Variants in RMND1 observed in about 807,000 individuals in gnomAD.
RMND1 encodes the protein required for meiotic nuclear division 1 homolog.
In RMND1, 41 loss-of-function variants were observed where a neutral mutation model predicts 54.0. The observed-to-expected ratio is 0.76, with a 90% confidence interval of 0.59 to 0.98. The LOEUF (loss-of-function observed/expected upper bound fraction) is 0.98, where lower values mean the gene tolerates loss of function less well. Among genes scored for constraint, RMND1 ranks in the 50% least tolerant of loss-of-function variants. RMND1 has a pLI of 0.00. For synonymous variants in RMND1, 183 were observed against 181.7 expected (o/e 1.01, Z -0.06); for missense variants, 457 against 532.0 (o/e 0.86, Z 1.39).
chr6:151,429,724 A>C (rs536591226), intron 5 of RMND1, among the ~76,000 whole-genome samples: 1 of 152,312 alleles, frequency 6.6e-6, no homozygotes, highest in Non-Finnish European at 1.5e-5. Flanking sequence ...TTGCCTCTAA[A>C]ATGGTTGTAT....
chr6:151,451,009 TG>T (rs1338459015), intron 1 of RMND1, among the ~76,000 whole-genome samples: 3 of 152,128 alleles, frequency 2.0e-5, no homozygotes, highest in Non-Finnish European at 2.9e-5. Flanking sequence ...GGCAGCGTGC[TG>T]GTTAAGAGTC....
intron 10 of RMND1, chr6:151,411,954 C>T (rs1366169574): frequency 1.3e-5 from 2 of 152,212 alleles, no homozygotes; most frequent in African/African-American, 4.8e-5. Flanking sequence ...AAAGACTCCC[C>T]ACCTCCTGGT....
At chr6:151,409,382 T>A (rs1779733634) in intron 10 of RMND1, among the ~76,000 whole-genome samples, 1 of 152,230 alleles carries the variant, frequency 6.6e-6, no homozygotes, top group South Asian at 2.1e-4. Context: ...GACACCCAGA[T>A]GACTTTTAAG....
At chr6:151,407,777 G>A (rs1319240657) in intron 10 of RMND1, among the ~76,000 whole-genome samples, 1 of 151,954 alleles carries the variant, frequency 6.6e-6, no homozygotes, top group East Asian at 1.9e-4. Flanking sequence ...GTGTTGTGGC[G>A]GCCCCTGTTG....
At chr6:151,437,508 A>G (rs941522535) in intron 2 of RMND1, among the ~76,000 whole-genome samples, 3 of 152,216 alleles carry the variant, frequency 2.0e-5, no homozygotes, top group African/African-American at 7.2e-5. Flanking sequence ...AATAATGCCT[A>G]CTTTATGGGG....
chr6:151,451,547 G>C (rs887445198), intron 1 of RMND1, among the ~76,000 whole-genome samples: 12 of 152,160 alleles, frequency 7.9e-5, no homozygotes, highest in African/African-American at 2.9e-4. Context: ...GAAGCTCCCT[G>C]AGGATACGGA....
At chr6:151,422,474 T>C (rs1780178672) in intron 8 of RMND1, 67 bp downstream of exon 8, 1 of 801,776 alleles carries the variant, frequency 1.2e-6, no homozygotes, top group South Asian at 2.0e-5. Context: ...TATTGTTATA[T>C]TGGGAAATTC....
chr6:151,430,990 T>G (rs1780433511), intron 4 of RMND1, among the ~76,000 whole-genome samples: 1 of 152,164 alleles, frequency 6.6e-6, no homozygotes, highest in Non-Finnish European at 1.5e-5. Context: ...ATTCCTATCC[T>G]CAATCTAGAA....
chr6:151,434,529 T>C (rs1780544834), intron 3 of RMND1, among the ~76,000 whole-genome samples: 1 of 152,136 alleles, frequency 6.6e-6, no homozygotes. Context: ...CCTGCAATTC[T>C]GTGAAGCACA....
At chr6:151,406,114 C>T (rs1409653108) in intron 10 of RMND1, among the ~76,000 whole-genome samples, 1 of 152,130 alleles carries the variant, frequency 6.6e-6, no homozygotes, top group Non-Finnish European at 1.5e-5. Flanking sequence ...AGTAGCTGCC[C>T]TTTTTAGCAG....
chr6:151,408,613 A>T (rs530790320), intron 10 of RMND1: 1 of 152,374 alleles, frequency 6.6e-6, no homozygotes, highest in African/African-American at 2.4e-5. Context: ...TTAAGATTGT[A>T]TAAGAAATTA....
intron 3 of RMND1, among the ~76,000 whole-genome samples, chr6:151,435,143 C>T (rs531014539): frequency 2.6e-5 from 4 of 151,210 alleles, no homozygotes; most frequent in East Asian, 3.9e-4. Context: ...GCATCACGCC[C>T]GGCCTATTTA....
chr6:151,443,317 C>T (rs1255024494), intron 2 of RMND1, among the ~76,000 whole-genome samples: 2 of 152,002 alleles, frequency 1.3e-5, no homozygotes, highest in African/African-American at 4.8e-5. Flanking sequence ...ACATGATTTT[C>T]TTCTCTTTTT....
At position 151,431,937 on chromosome 6, in the gene RMND1, CT is replaced by C. The variant is rs945752741; in HGVS notation, c.689+1217del. 3.2e-3 allele frequency among the ~76,000 whole-genome samples: 461 copies of C among 143,538 alleles called. 1 individual carries two copies. The highest frequency in any genetic ancestry group is 6.7e-3 in the African/African-American group (266 of 39,602). 94.2% of individuals were successfully genotyped at this position (143,538 alleles called of 152,430 possible). On this transcript the variant is annotated intron_variant, in intron 4 of 11. Coordinates refer to ENST00000444024, the MANE Select transcript of RMND1 (RefSeq NM_017909.4). ...AGGCTTGCATTATATTTCTTTCTTT[CT>C]TTTTTTTTTTTTCTTTGAGGCAGAG...
chr6:151,435,193 T>C (rs992287198), intron 3 of RMND1, among the ~76,000 whole-genome samples: 1 of 152,102 alleles, frequency 6.6e-6, no homozygotes, highest in Admixed American at 6.6e-5. Context: ...TCGCCCAGGT[T>C]GGAGTGCAGT....
At chr6:151,449,060 CA>C (rs71014585) in intron 1 of RMND1, among the ~76,000 whole-genome samples, 138 of 18,666 alleles carry the variant, frequency 7.4e-3, no homozygotes, top group East Asian at 0.034. Context: ...GACTCTGTCT[CA>C]AAAAAAAAAA....
chr6:151,450,810 T>G (rs991197830), intron 1 of RMND1, among the ~76,000 whole-genome samples: 27 of 152,066 alleles, frequency 1.8e-4, no homozygotes, highest in African/African-American at 6.5e-4. Flanking sequence ...GCCGTGTCTG[T>G]GTAGAAAGAA....
intron 3 of RMND1, among the ~76,000 whole-genome samples, chr6:151,433,929 A>C: frequency 2.1e-5 from 3 of 141,906 alleles, no homozygotes; most frequent in Admixed American, 1.4e-4. Flanking sequence ...CAACCTCCTG[A>C]ACTCAAGGGA....
intron 11 of RMND1, 43 bp from the exon 12 acceptor site, chr6:151,405,310 T>G (rs768429237): frequency 6.4e-7 from 1 of 1,554,644 alleles, no homozygotes; most frequent in Non-Finnish European, 8.9e-7. Context: ...GGGCAAATTA[T>G]GGGTACAAAC....
Sources: gnomAD v4.1 joint callset for allele counts (sites outside exome capture counted in the v4.1 genomes callset) on GRCh38, gnomAD v4.1.1 for gene constraint, MANE v1.5 for transcripts, NCBI Gene and HGNC (gene_info 2026-07-23, HGNC 2026-07-21) for gene names.